Variants in DPP6 observed in about 807,000 individuals in gnomAD.
DPP6 encodes the protein dipeptidyl peptidase like 6.
Under a neutral mutation model 122.6 loss-of-function variants are expected in DPP6, and 69 were observed. The observed-to-expected ratio is 0.56, with a 90% CI of 0.46 to 0.69. The LOEUF (loss-of-function observed/expected upper bound fraction) is 0.69. Ranked by LOEUF, DPP6 falls within the 30% of genes least tolerant of loss-of-function variation. The pLI is 0.00. For missense variants in DPP6, 928 were observed against 1,116.9 expected, an observed-to-expected ratio of 0.83 and a Z score of 2.41; for synonymous variants, 418 against 433.1, an observed-to-expected ratio of 0.97 and a Z score of 0.43.
chr7:153,887,801 G>A (rs1181668214), intron 1 of DPP6: 17 of 1,570,632 alleles, frequency 1.1e-5, no homozygotes, highest in Admixed American at 1.7e-5. Context: ...TGCTGGGGGA[G>A]GTCTGTCCTT....
chr7:153,962,904 C>A (rs1795427770), intron 1 of DPP6, among the ~76,000 whole-genome samples: 2 of 152,028 alleles, frequency 1.3e-5, no homozygotes, highest in Non-Finnish European at 1.5e-5. Context: ...TTGGAATGCT[C>A]TTCCTTCATT....
chr7:154,437,332 TTGAGTAATTTGATA>T (rs895691918), intron 1 of DPP6, among the ~76,000 whole-genome samples: 2 of 152,208 alleles, frequency 1.3e-5, no homozygotes, highest in Non-Finnish European at 2.9e-5. Context: ...AGCTTTCTTT[TTGAGTAATTTGATA>T]CCTAAAATAG....
At position 154,893,252 on chromosome 7, in the gene DPP6, A is replaced by T; in HGVS notation, c.*772A>T. ...GCTCCCTCCTCAAGGTTGTCTTCAG[A>T]CGTCTTGGGGACGTTCCTAAACACT... On this transcript the variant is annotated 3_prime_UTR_variant, in exon 26 of 26. Transcript: ENST00000377770. The T allele has an allele frequency of 3.8e-6, 1 of 264,972 alleles. No homozygotes were observed. The highest frequency in any genetic ancestry group is 3.8e-5 in the South Asian group (1 of 26,508). 16.4% of individuals were successfully genotyped at this position (264,972 alleles called of 1,614,324 possible).
intron 1 of DPP6, among the ~76,000 whole-genome samples, chr7:153,952,245 A>G (rs1391195718): frequency 6.6e-6 from 1 of 152,144 alleles, no homozygotes; most frequent in Admixed American, 6.6e-5. Context: ...ATCAAAAGCA[A>G]TTTTCTACCA....
At chr7:154,239,610 T>C (rs1801442465) in intron 1 of DPP6, among the ~76,000 whole-genome samples, 1 of 151,986 alleles carries the variant, frequency 6.6e-6, no homozygotes, top group African/African-American at 2.4e-5. Flanking sequence ...CATCGACTGT[T>C]TATATCATTG....
intron 1 of DPP6, among the ~76,000 whole-genome samples, chr7:154,117,038 G>A (rs527534041): frequency 6.6e-6 from 1 of 151,558 alleles, no homozygotes; most frequent in East Asian, 1.9e-4. Flanking sequence ...TGAAACCCCT[G>A]GGAATGAATA....
chr7:153,857,347 TC>T, the DPP6 span, among the ~76,000 whole-genome samples: 1 of 151,664 alleles, frequency 6.6e-6, no homozygotes, highest in African/African-American at 2.4e-5. Context: ...TCTCTCTCTC[TC>T]TCTCTCTCTC....
At chr7:153,970,853 C>T (rs1002941434) in intron 1 of DPP6, among the ~76,000 whole-genome samples, 2 of 152,138 alleles carry the variant, frequency 1.3e-5, no homozygotes. Context: ...ATCTATTTGA[C>T]TACCTTTGCA....
intron 1 of DPP6, among the ~76,000 whole-genome samples, chr7:153,988,612 G>A (rs1271949115): frequency 6.6e-6 from 1 of 152,218 alleles, no homozygotes; most frequent in Non-Finnish European, 1.5e-5. Context: ...ATCGGGGGAT[G>A]CTCCCACTGA....
At chr7:154,581,233 A>G (rs1341452998) in intron 5 of DPP6, among the ~76,000 whole-genome samples, 2 of 152,184 alleles carry the variant, frequency 1.3e-5, no homozygotes, top group Non-Finnish European at 2.9e-5. Context: ...GAAAGAGCTA[A>G]GAAGGCAGAG....
intron 1 of DPP6, among the ~76,000 whole-genome samples, chr7:154,116,727 A>G (rs1467579403): frequency 1.3e-5 from 2 of 152,138 alleles, no homozygotes; most frequent in Admixed American, 1.3e-4. Flanking sequence ...TTAGTTTTTA[A>G]TCAAGCCAAA....
chr7:154,626,928 T>C (rs1470211681), intron 5 of DPP6, among the ~76,000 whole-genome samples: 1 of 151,968 alleles, frequency 6.6e-6, no homozygotes, highest in Non-Finnish European at 1.5e-5. Flanking sequence ...TTGTTTTATG[T>C]CATATGAGCT....
intron 6 of DPP6, among the ~76,000 whole-genome samples, chr7:154,656,183 C>T (rs542416484): frequency 1.1e-4 from 15 of 141,422 alleles, no homozygotes; most frequent in African/African-American, 4.0e-4. Context: ...GGGGGGAGAG[C>T]TGGGAGAAGG....
chr7:154,464,548 T>C (rs1563713778), intron 2 of DPP6, among the ~76,000 whole-genome samples: 1 of 152,224 alleles, frequency 6.6e-6, no homozygotes, highest in Admixed American at 6.5e-5. Flanking sequence ...AAATTCACAA[T>C]TTTATACTTA....
chr7:154,109,870 T>C (rs1806447848), intron 1 of DPP6, among the ~76,000 whole-genome samples: 1 of 141,952 alleles, frequency 7.0e-6, no homozygotes, highest in Admixed American at 7.2e-5. Context: ...TCAGTGTCTT[T>C]AGTGGGTGGG....
chr7:154,776,628 C>T (rs1796589857), intron 10 of DPP6, among the ~76,000 whole-genome samples: 1 of 152,164 alleles, frequency 6.6e-6, no homozygotes, highest in Non-Finnish European at 1.5e-5. Context: ...GCTCTGGAAC[C>T]TTGGCTGGAT....
chr7:154,181,338 G>T (rs536107375), intron 1 of DPP6, among the ~76,000 whole-genome samples: 1 of 152,260 alleles, frequency 6.6e-6, no homozygotes, highest in South Asian at 2.1e-4. Flanking sequence ...AGGCATCATG[G>T]GAGAGGTGCT....
chr7:153,972,656 G>A (rs1449064624), intron 1 of DPP6, among the ~76,000 whole-genome samples: 16 of 151,272 alleles, frequency 1.1e-4, no homozygotes, highest in Non-Finnish European at 1.8e-4. Context: ...CCGTGGACAT[G>A]TGCTATGTTC....
chr7:153,967,753 CTA>C (rs1795829828), intron 1 of DPP6, among the ~76,000 whole-genome samples: 1 of 151,910 alleles, frequency 6.6e-6, no homozygotes, highest in African/African-American at 2.4e-5. Flanking sequence ...CTTTCACAAA[CTA>C]TTAATGAGCT....
Sources: gnomAD v4.1 joint callset for allele counts (sites outside exome capture counted in the v4.1 genomes callset) on GRCh38, gnomAD v4.1.1 for gene constraint, MANE v1.5 for transcripts, NCBI Gene and HGNC (gene_info 2026-07-23, HGNC 2026-07-21) for gene names.